The following VWC2 variants were observed in gnomAD, a reference collection of about 807,000 sequenced individuals.
VWC2 encodes the protein von Willebrand factor C domain containing 2.
In VWC2, 14 loss-of-function variants were observed where a neutral mutation model predicts 29.8. The ratio of observed to expected loss-of-function variants is 0.47; its 90% CI spans 0.31 to 0.74. The LOEUF (loss-of-function observed/expected upper bound fraction) is 0.74, where lower values mean the gene tolerates loss of function less well. Among genes scored for constraint, VWC2 ranks in the 30% least tolerant of loss-of-function variants. The probability of loss-of-function intolerance (pLI) is 0.05; values close to 1 mark genes in which losing one functional copy is unlikely to be tolerated. For missense variants in VWC2, 457 were observed against 459.8 expected (o/e 0.99, Z 0.05); for synonymous variants, 213 against 199.0 (o/e 1.07, Z -0.59).
At chr7:49,888,335 T>C (rs1475645659) in intron 3 of VWC2, among the ~76,000 whole-genome samples, 1 of 152,258 alleles carries the variant, frequency 6.6e-6, no homozygotes, top group Non-Finnish European at 1.5e-5. Context: ...CTGTAGCTAT[T>C]ATTTAGATGA....
intron 3 of VWC2, among the ~76,000 whole-genome samples, chr7:49,876,432 T>C (rs1253971682): frequency 7.2e-5 from 11 of 152,128 alleles, no homozygotes; most frequent in Non-Finnish European, 7.4e-5. Flanking sequence ...ACAGCACCTG[T>C]CTCCTAGAGT....
chr7:49,814,216 T>TA (rs1789079895), intron 3 of VWC2, among the ~76,000 whole-genome samples: 1 of 152,224 alleles, frequency 6.6e-6, no homozygotes. Flanking sequence ...AACCTCAGTA[T>TA]CCCAGCCTCT....
At chr7:49,882,024 C>A (rs193088617) in intron 3 of VWC2, among the ~76,000 whole-genome samples, 4 of 151,912 alleles carry the variant, frequency 2.6e-5, no homozygotes, top group African/African-American at 9.6e-5. Context: ...TAGAGAAGCA[C>A]CCAAGCGCCA....
chr7:49,911,362 G>A (rs1441425412), intron 3 of VWC2, among the ~76,000 whole-genome samples: 1 of 150,388 alleles, frequency 6.6e-6, no homozygotes, highest in Non-Finnish European at 1.5e-5. Flanking sequence ...CGCCCCTATA[G>A]TCCCAGCTAC....
At position 49,775,791 on chromosome 7, in the gene VWC2, A is replaced by T. The variant is rs1234369624; in HGVS notation, c.356A>T (p.Gln119Leu). 2.0e-6 allele frequency: 3 copies of T among 1,529,554 alleles called. No homozygotes were observed. The highest frequency in any genetic ancestry group is 1.8e-6 in the Non-Finnish European group (2 of 1,138,786). The allele number at this position is 1,529,554 out of a possible 1,614,324, so 94.7% of individuals were successfully genotyped here. A position where few individuals can be genotyped will look rare whatever the true frequency, so the allele number is the denominator to read the frequency against. ...GTCCGGCCCCGCGGGGACACCCCGC[A>T]GGCGGAAGCCCTGGCCGCAGCCGCC... The part of the protein sequence containing the change: ...LQVRPRGDTP[Q>L]AEALAAAAQD... The change falls in exon 2 of 4, where the codon CAG becomes CTG. Residue 119 changes from glutamine (Q) to leucine (L), a missense_variant. Physicochemically the swap from Gln to Leu is moderately radical, Grantham distance 113. Coordinates refer to ENST00000340652, the MANE Select transcript of VWC2 (RefSeq NM_198570.5).
At chr7:49,898,151 ATATG>A (rs1385933058) in intron 3 of VWC2, among the ~76,000 whole-genome samples, 1 of 151,936 alleles carries the variant, frequency 6.6e-6, no homozygotes, top group Non-Finnish European at 1.5e-5. Flanking sequence ...GTGTGTATAT[ATATG>A]TGTATGCTTT....
intron 2 of VWC2, among the ~76,000 whole-genome samples, chr7:49,799,131 G>T (rs1341530749): frequency 6.6e-6 from 1 of 152,220 alleles, no homozygotes; most frequent in African/African-American, 2.4e-5. Flanking sequence ...TGCTTAGTTG[G>T]GTGAAGTCTG....
At chr7:49,885,410 T>C (rs1177896273) in intron 3 of VWC2, among the ~76,000 whole-genome samples, 1 of 152,020 alleles carries the variant, frequency 6.6e-6, no homozygotes, top group East Asian at 1.9e-4. Flanking sequence ...AAATTAAGAA[T>C]AAAAATTTAC....
In VWC2 at chr7:49,862,858, G is replaced by T. The variant is rs1790713477; in HGVS notation, c.827-49176G>T. ...TGTATAATCCTTTTAATATGCTGTT[G>T]TATTCACTTTGCTACTGTTTCACTG... On this transcript the variant is annotated intron_variant, in intron 3 of 3. Coordinates refer to ENST00000340652, the MANE Select transcript of VWC2 (RefSeq NM_198570.5). Among the ~76,000 whole-genome samples, 2 of 151,830 alleles carry T rather than the reference G, an allele frequency of 1.3e-5. 1 individual carries two copies. Among genetic ancestry groups the T allele is most frequent in the South Asian group, 4.2e-4 (2 of 4,818 alleles).
intron 3 of VWC2, among the ~76,000 whole-genome samples, chr7:49,821,525 A>G (rs896825855): frequency 6.6e-6 from 1 of 152,238 alleles, no homozygotes; most frequent in African/African-American, 2.4e-5. Flanking sequence ...CTGCTACTAC[A>G]TTGACTCCAA....
chr7:49,872,284 G>T (rs569194793), intron 3 of VWC2, among the ~76,000 whole-genome samples: 112 of 152,090 alleles, frequency 7.4e-4, no homozygotes, highest in Non-Finnish European at 1.3e-3. Flanking sequence ...GAGGATTTTT[G>T]AGAAAAAAGT....
At chr7:49,834,781 C>T (rs1374446472) in intron 3 of VWC2, among the ~76,000 whole-genome samples, 1 of 152,118 alleles carries the variant, frequency 6.6e-6, no homozygotes, top group Non-Finnish European at 1.5e-5. Context: ...GCTGGAGGCC[C>T]CAAGGATTGG....
chr7:49,803,376 A>G (rs547355861), intron 3 of VWC2, among the ~76,000 whole-genome samples: 1 of 152,168 alleles, frequency 6.6e-6, no homozygotes, highest in African/African-American at 2.4e-5. Flanking sequence ...GTGTTTCCTC[A>G]TCCTGACAAA....
At chr7:49,838,180 GGAGGCA>G (rs1789708616) in intron 3 of VWC2, among the ~76,000 whole-genome samples, 1 of 152,198 alleles carries the variant, frequency 6.6e-6, no homozygotes, top group South Asian at 2.1e-4. Flanking sequence ...GTGTGAATTA[GGAGGCA>G]GAGGCAGGGC....
chr7:49,860,406 T>A (rs1790601802), intron 3 of VWC2, among the ~76,000 whole-genome samples: 1 of 152,230 alleles, frequency 6.6e-6, no homozygotes, highest in Non-Finnish European at 1.5e-5. Flanking sequence ...TCAAGGTTCA[T>A]CCAACTTGTA....
At chr7:49,855,261 A>T (rs1255922649) in intron 3 of VWC2, among the ~76,000 whole-genome samples, 1 of 152,238 alleles carries the variant, frequency 6.6e-6, no homozygotes, top group Non-Finnish European at 1.5e-5. Context: ...TGAGGAAAAC[A>T]CTGGGTCATA....
chr7:49,793,563 A>G (rs983906335), intron 2 of VWC2, among the ~76,000 whole-genome samples: 1 of 151,456 alleles, frequency 6.6e-6, no homozygotes, highest in Middle Eastern at 3.4e-3. Context: ...ACATAATACC[A>G]TATATATTCT....
intron 3 of VWC2, among the ~76,000 whole-genome samples, chr7:49,895,996 T>C (rs1223581701): frequency 6.6e-6 from 1 of 152,164 alleles, no homozygotes; most frequent in Non-Finnish European, 1.5e-5. Flanking sequence ...CCAAGATTCT[T>C]AGTAGTTATT....
intron 3 of VWC2, among the ~76,000 whole-genome samples, chr7:49,896,881 A>ATTTTTTTTTTTTTTTTTT (rs36066373): frequency 1.1e-5 from 1 of 95,054 alleles, no homozygotes; most frequent in Non-Finnish European, 2.1e-5. Flanking sequence ...TGGATTGATA[A>ATTTTTTTTTTTTTTTTTT]TTTTTTTTTT....
Sources: gnomAD v4.1 joint callset for allele counts (sites outside exome capture counted in the v4.1 genomes callset) on GRCh38, gnomAD v4.1.1 for gene constraint, MANE v1.5 for transcripts, NCBI Gene and HGNC (gene_info 2026-07-23, HGNC 2026-07-21) for gene names.